The following SIAH2 variants were observed in gnomAD, a reference collection of about 807,000 sequenced individuals.
SIAH2 encodes the protein siah E3 ubiquitin protein ligase 2.
SIAH2 carries 4 observed loss-of-function variants against 20.4 expected under a neutral mutation model. The observed-to-expected ratio is 0.20, with a 90% CI of 0.10 to 0.45. The LOEUF (loss-of-function observed/expected upper bound fraction) is 0.45, where lower values mean the gene tolerates loss of function less well. SIAH2 is among the 20% of genes least tolerant of loss of function. The probability of loss-of-function intolerance (pLI) is 0.99; values close to 1 mark genes in which losing one functional copy is unlikely to be tolerated. For synonymous variants in SIAH2, 171 were observed against 192.5 expected, an observed-to-expected ratio of 0.89 and a Z score of 0.93; for missense variants, 259 against 440.3, an observed-to-expected ratio of 0.59 and a Z score of 3.69.
At chr3:150,752,648 T>C (rs1338600236) in intron 1 of SIAH2, among the ~76,000 whole-genome samples, 2 of 152,078 alleles carry the variant, frequency 1.3e-5, no homozygotes, top group Admixed American at 1.3e-4. Flanking sequence ...AAATACAAGA[T>C]GTCTCTCAGG....
intron 1 of SIAH2, among the ~76,000 whole-genome samples, chr3:150,748,377 A>G (rs1212004835): frequency 6.6e-6 from 1 of 152,240 alleles, no homozygotes; most frequent in African/African-American, 2.4e-5. Flanking sequence ...TGAGTATGCA[A>G]GCAAAATAAG....
chr3:150,762,824 G>A lies in SIAH2; in HGVS notation c.26C>T (p.Pro9Leu). MSRPSSTGPSANKPCSKQP... is the reference protein window; with the variant it reads MSRPSSTGLSANKPCSKQP... ...CTTGCTGCAGGGTTTATTAGCGCTG[G>A]GGCCGGTGGAGGACGGGCGGCTCAT... is the stretch of plus-strand genomic sequence containing the variant. Residue 9 changes from proline (P) to leucine (L), a missense_variant, in exon 1 of 2, where the codon CCC becomes CTC. Around this residue, in one of 2 missense-constraint regions of SIAH2, gnomAD observed 99 missense variants for 112.7 expected, o/e 0.88. Transcript: ENST00000312960. The surrounding 1 kb of genome is among the most constrained non-coding windows in gnomAD (Gnocchi z 6.6). 1.6e-6 allele frequency: 2 copies of A among 1,220,558 alleles called. No homozygotes were observed. The allele number at this position is 1,220,558 out of a possible 1,614,324, so 75.6% of individuals were successfully genotyped here.
intron 1 of SIAH2, among the ~76,000 whole-genome samples, chr3:150,747,874 G>C (rs1455634710): frequency 6.8e-6 from 1 of 147,760 alleles, no homozygotes; most frequent in Non-Finnish European, 1.5e-5. Context: ...TAAGGCAGGA[G>C]AATCACTTGA....
chr3:150,751,046 T>G (rs1273935679), intron 1 of SIAH2, among the ~76,000 whole-genome samples: 1 of 152,216 alleles, frequency 6.6e-6, no homozygotes. Flanking sequence ...ATATTCAACC[T>G]GCATCTGTCT....
chr3:150,755,421 C>T (rs1183136319), intron 1 of SIAH2, among the ~76,000 whole-genome samples: 3 of 147,794 alleles, frequency 2.0e-5, no homozygotes, highest in Non-Finnish European at 4.4e-5. Context: ...GCCTGGACCT[C>T]CTGGGCTCAA....
chr3:150,743,102 T>A (rs1450328321), intron 1 of SIAH2, among the ~76,000 whole-genome samples: 12 of 152,240 alleles, frequency 7.9e-5, no homozygotes. Flanking sequence ...CAAGGAATAT[T>A]ATATTATCCC....
chr3:150,744,518 C>T (rs1714168161), intron 1 of SIAH2, among the ~76,000 whole-genome samples: 1 of 152,106 alleles, frequency 6.6e-6, no homozygotes, highest in Admixed American at 6.5e-5. Flanking sequence ...GCCTGAAAAA[C>T]AAATCCCTAT....
chr3:150,752,679 T>C lies in SIAH2; in HGVS notation c.417+9754A>G, dbSNP rs1714397762. On this transcript the variant is annotated intron_variant, in intron 1 of 1. Coordinates refer to ENST00000312960, the MANE Select transcript of SIAH2 (RefSeq NM_005067.7). ...TCAGGCAATGTTTGGAATATACTTATTATTCTTCTCCGGCCCCGCAAGTTA... is the reference window on the plus strand; with the variant it reads ...TCAGGCAATGTTTGGAATATACTTACTATTCTTCTCCGGCCCCGCAAGTTA... 2.6e-5 allele frequency among the ~76,000 whole-genome samples: 4 copies of C among 152,272 alleles called. No individual in the cohort carries two copies. The South Asian group carries it at 8.3e-4, about 32-fold the overall frequency.
chr3:150,752,855 T>C (rs932789615), intron 1 of SIAH2, among the ~76,000 whole-genome samples: 2 of 151,940 alleles, frequency 1.3e-5, no homozygotes, highest in Non-Finnish European at 2.9e-5. Flanking sequence ...CTCAGAAGGG[T>C]AGAGTGGGCA....
At position 150,741,970 on chromosome 3, in the gene SIAH2, G is replaced by A. The variant is rs1380358579; in HGVS notation, c.*171C>T. On this transcript the variant is annotated 3_prime_UTR_variant, in exon 2 of 2. Transcript: ENST00000312960. ...CAACAGGCCAACCCCATTCATCCCA[G>A]GTTAATGAACTTTGTTGGGTCGAAG... is the stretch of plus-strand genomic sequence containing the variant. The A allele has an allele frequency of 9.3e-6, 6 of 644,850 alleles. No homozygotes were observed. Among genetic ancestry groups the A allele is most frequent in the Non-Finnish European group, 1.6e-5 (6 of 369,494 alleles). The allele number at this position is 644,850 out of a possible 1,614,324, so 39.9% of individuals were successfully genotyped here.
At chr3:150,753,936 T>C (rs1180401138) in intron 1 of SIAH2, among the ~76,000 whole-genome samples, 1 of 151,668 alleles carries the variant, frequency 6.6e-6, no homozygotes, top group Non-Finnish European at 1.5e-5. Flanking sequence ...AAAAAAAAAA[T>C]CTCAGTAAGA....
chr3:150,761,049 G>C (rs1313003869), intron 1 of SIAH2, among the ~76,000 whole-genome samples: 1 of 152,188 alleles, frequency 6.6e-6, no homozygotes, highest in Non-Finnish European at 1.5e-5. Flanking sequence ...CAGCAGGGCA[G>C]CAGACCAAAT....
At chr3:150,746,964 T>G (rs1714228407) in intron 1 of SIAH2, among the ~76,000 whole-genome samples, 2 of 152,308 alleles carry the variant, frequency 1.3e-5, no homozygotes, top group South Asian at 4.1e-4. Context: ...GCTCCCAGAG[T>G]GTGGCTGACT....
At chr3:150,745,240 TAC>T (rs5853495) in intron 1 of SIAH2, among the ~76,000 whole-genome samples, 73,728 of 140,432 alleles carry the variant, frequency 0.53, 20,926 homozygotes, top group Non-Finnish European at 0.64. Context: ...TTTAACCCCC[TAC>T]ACACACACAC....
At chr3:150,759,985 G>A (rs1471979020) in intron 1 of SIAH2, among the ~76,000 whole-genome samples, 3 of 152,142 alleles carry the variant, frequency 2.0e-5, no homozygotes, top group Non-Finnish European at 4.4e-5. Flanking sequence ...GAGAGCAGGT[G>A]GGGACAGTAA....
At chr3:150,758,698 G>A (rs1313836951) in intron 1 of SIAH2, among the ~76,000 whole-genome samples, 1 of 148,756 alleles carries the variant, frequency 6.7e-6, no homozygotes, top group Non-Finnish European at 1.5e-5. Flanking sequence ...AGCCTCCTGA[G>A]TAGCTGGGAT....
At chr3:150,744,095 C>T (rs968694664) in intron 1 of SIAH2, among the ~76,000 whole-genome samples, 3 of 151,770 alleles carry the variant, frequency 2.0e-5, no homozygotes, top group South Asian at 2.1e-4. Flanking sequence ...AACTTGAAGT[C>T]GGTCAAATTC....
chr3:150,761,215 C>CA (rs1433014123), intron 1 of SIAH2, among the ~76,000 whole-genome samples: 1 of 152,080 alleles, frequency 6.6e-6, no homozygotes, highest in African/African-American at 2.4e-5. Context: ...GTTACTTTTA[C>CA]AAAAAAACTG....
chr3:150,761,753 G>T (rs183036398), intron 1 of SIAH2, among the ~76,000 whole-genome samples: 13 of 152,220 alleles, frequency 8.5e-5, no homozygotes, highest in African/African-American at 2.6e-4. Flanking sequence ...TTAAACAACT[G>T]TAACAACAGC....
Sources: gnomAD v4.1 joint callset for allele counts (sites outside exome capture counted in the v4.1 genomes callset) on GRCh38, gnomAD v4.1.1 for gene constraint, gnomAD v4.1.1 regional missense constraint, Gnocchi (gnomAD v3.1) non-coding constraint, MANE v1.5 for transcripts, NCBI Gene and HGNC (gene_info 2026-07-23, HGNC 2026-07-21) for gene names.